THTPA: variants seen among roughly 807,000 people sequenced by gnomAD.
THTPA encodes thiamine triphosphatase.
In THTPA, 16 loss-of-function variants were observed where a neutral mutation model predicts 16.5. That is an observed-to-expected ratio of 0.97 (90% CI 0.66 to 1.47). THTPA has a LOEUF of 1.47. THTPA is among the 40% of genes most tolerant of loss of function. The pLI, the probability that THTPA is intolerant of heterozygous loss-of-function variation, is 0.00. For missense variants in THTPA, 281 were observed against 280.9 expected (o/e 1.00, Z 0.00); for synonymous variants, 110 against 115.5 (o/e 0.95, Z 0.30).
At chr14:23,519,371 A>G in the THTPA span, among the ~76,000 whole-genome samples, 1 of 152,218 alleles carries the variant, frequency 6.6e-6, no homozygotes. Context: ...ATTCCCAGAA[A>G]GCACAAGTGA....
At chr14:23,532,654 G>C in the THTPA span, 1 of 1,484,750 alleles carries the variant, frequency 6.7e-7, no homozygotes, top group Non-Finnish European at 8.9e-7. Flanking sequence ...AGTCACAGAT[G>C]TTGCAGCGCA....
At chr14:23,523,412 G>C in the THTPA span, 10 of 1,527,508 alleles carry the variant, frequency 6.5e-6, no homozygotes, top group Non-Finnish European at 8.8e-6. The surrounding 1 kb of genome is among the most constrained non-coding windows in gnomAD (Gnocchi z 4.1). Flanking sequence ...GGCTCGAACC[G>C]CCTCCTTGAG....
the THTPA span, among the ~76,000 whole-genome samples, chr14:23,547,733 G>A: frequency 6.6e-6 from 1 of 152,124 alleles, no homozygotes; most frequent in African/African-American, 2.4e-5. Context: ...GGTGGGGGGA[G>A]TGGGTGAAAA....
the THTPA span, chr14:23,513,130 T>TC: frequency 6.6e-6 from 1 of 151,476 alleles, no homozygotes; most frequent in African/African-American, 2.4e-5. Context: ...TCCTCCCCTC[T>TC]CCCCATCCCC....
chr14:23,541,223 T>C, the THTPA span, among the ~76,000 whole-genome samples: 6 of 151,696 alleles, frequency 4.0e-5, no homozygotes, highest in Admixed American at 6.6e-5. Context: ...ACCCCTTTCT[T>C]GACCAAGACT....
chr14:23,520,803 T>C, the THTPA span: 1 of 25,932 alleles, frequency 3.9e-5, no homozygotes, highest in Non-Finnish European at 7.6e-5. This position sits in a 1 kb window ranked among gnomAD's most constrained non-coding sequence, Gnocchi z 8.7. Flanking sequence ...ACCGGGGGGG[T>C]GGGGGTGGGA....
chr14:23,554,751 C>CTG (rs1253159744), upstream of THTPA, among the ~76,000 whole-genome samples: 2 of 151,980 alleles, frequency 1.3e-5, no homozygotes, highest in African/African-American at 4.8e-5. Flanking sequence ...TCATGTATTT[C>CTG]CAGAAACATA....
the THTPA span, among the ~76,000 whole-genome samples, chr14:23,548,970 C>G: frequency 6.6e-6 from 1 of 152,188 alleles, no homozygotes; most frequent in Non-Finnish European, 1.5e-5. Context: ...CTCTGTGCAG[C>G]TCTGATCTGC....
chr14:23,559,305 T>G lies in THTPA; in HGVS notation c.*465T>G, dbSNP rs1385477424. 8.8e-6 allele frequency: 2 copies of G among 227,366 alleles called. No homozygotes were observed. The highest frequency in any genetic ancestry group is 1.8e-5 in the Non-Finnish European group (2 of 113,010). The allele number at this position is 227,366 out of a possible 1,614,324, so 14.1% of individuals were successfully genotyped here. On this transcript the variant is annotated 3_prime_UTR_variant, in exon 2 of 2. Transcript: ENST00000288014. ...AGTTGAGGAAATGGTTGGGAATCGC[T>G]GTTAGAACTCTAGAAATTCTAATCT...
At chr14:23,535,531 C>T in the THTPA span, among the ~76,000 whole-genome samples, 2 of 152,150 alleles carry the variant, frequency 1.3e-5, no homozygotes, top group Admixed American at 6.6e-5. The surrounding 1 kb of genome is among the most constrained non-coding windows in gnomAD (Gnocchi z 4.5). Context: ...TAACATGCTT[C>T]AAAACTTAAT....
chr14:23,525,901 G>A, the THTPA span: 13 of 1,461,562 alleles, frequency 8.9e-6, no homozygotes, highest in South Asian at 1.4e-4. This position sits in a 1 kb window ranked among gnomAD's most constrained non-coding sequence, Gnocchi z 5.9. Flanking sequence ...CCAGAGGGAA[G>A]GGGGGCAGGA....
chr14:23,534,058 T>A, the THTPA span: 4 of 1,529,542 alleles, frequency 2.6e-6, no homozygotes, highest in Non-Finnish European at 3.5e-6. This position sits in a 1 kb window ranked among gnomAD's most constrained non-coding sequence, Gnocchi z 4.5. Context: ...GGTGTAGTCA[T>A]CAGCTAGGCG....
chr14:23,532,023 G>A, the THTPA span: 19 of 211,396 alleles, frequency 9.0e-5, no homozygotes, highest in Admixed American at 3.6e-4. Context: ...TGATCCTCCC[G>A]CCTCGGCCTC....
the THTPA span, chr14:23,531,608 T>C: frequency 6.6e-7 from 1 of 1,525,222 alleles, no homozygotes. Flanking sequence ...GGTGGGCAGG[T>C]GTGCGCAGGT....
the THTPA span, among the ~76,000 whole-genome samples, chr14:23,516,017 C>T: frequency 2.0e-5 from 3 of 152,168 alleles, no homozygotes; most frequent in East Asian, 3.9e-4. Context: ...TTATGATAAG[C>T]CCTGGTGTGG....
At chr14:23,548,062 TC>T in the THTPA span, among the ~76,000 whole-genome samples, 1 of 152,090 alleles carries the variant, frequency 6.6e-6, no homozygotes, top group African/African-American at 2.4e-5. Flanking sequence ...ACAGCCCCGA[TC>T]CCTTCCCTCT....
At chr14:23,518,341 G>A in the THTPA span, among the ~76,000 whole-genome samples, 1 of 152,242 alleles carries the variant, frequency 6.6e-6, no homozygotes, top group Non-Finnish European at 1.5e-5. The surrounding 1 kb of genome is among the most constrained non-coding windows in gnomAD (Gnocchi z 4.5). Flanking sequence ...GAATTAAGCA[G>A]ATGGGTGCTA....
At chr14:23,555,214 G>C (rs1191097041), upstream of THTPA, among the ~76,000 whole-genome samples, 1 of 152,110 alleles carries the variant, frequency 6.6e-6, no homozygotes, top group East Asian at 1.9e-4. Context: ...GGCCAGGCTG[G>C]TCTCGAACTC....
upstream of THTPA, among the ~76,000 whole-genome samples, chr14:23,553,889 G>A (rs181564102): frequency 1.7e-3 from 255 of 151,920 alleles, no homozygotes; most frequent in African/African-American, 4.8e-3. Context: ...GCGAGACTCC[G>A]TCTCAAACAA....
Sources: allele counts gnomAD v4.1 joint callset (sites outside exome capture counted in the v4.1 genomes callset), GRCh38; gene constraint gnomAD v4.1.1; non-coding constraint Gnocchi (gnomAD v3.1); transcripts MANE v1.5; gene names NCBI Gene and HGNC (gene_info 2026-07-23, HGNC 2026-07-21).